Variants in CAMKMT observed in about 807,000 individuals in gnomAD.
CAMKMT encodes CaM KMT.
In CAMKMT, 53 loss-of-function variants were observed where a neutral mutation model predicts 48.0. The ratio of observed to expected loss-of-function variants is 1.10; its 90% CI spans 0.89 to 1.39. CAMKMT has a LOEUF of 1.39. Ranked by LOEUF, CAMKMT falls within the 40% of genes most tolerant of loss-of-function variation. The pLI is 0.00. For synonymous variants in CAMKMT, 165 were observed against 152.3 expected, an observed-to-expected ratio of 1.08 and a Z score of -0.61; for missense variants, 428 against 402.7, an observed-to-expected ratio of 1.06 and a Z score of -0.54.
chr2:44,656,263 G>A (rs1468262801), intron 3 of CAMKMT, among the ~76,000 whole-genome samples: 1 of 152,206 alleles, frequency 6.6e-6, no homozygotes, highest in Non-Finnish European at 1.5e-5. Flanking sequence ...TGTGATGGAA[G>A]AGGTGAATGT....
At chr2:44,474,303 C>T (rs1270435717) in intron 3 of CAMKMT, among the ~76,000 whole-genome samples, 2 of 151,792 alleles carry the variant, frequency 1.3e-5, no homozygotes, top group South Asian at 2.1e-4. Context: ...AAAAATTAGC[C>T]GGGTGTGGTG....
intron 1 of CAMKMT, 59 bp downstream of exon 1, chr2:44,362,204 G>A (rs1028626872): frequency 3.0e-6 from 4 of 1,353,354 alleles, no homozygotes; most frequent in Middle Eastern, 3.6e-4. Flanking sequence ...TCACGTACCG[G>A]GGGAGCGACT....
intron 3 of CAMKMT, among the ~76,000 whole-genome samples, chr2:44,672,394 A>G (rs988457821): frequency 2.0e-5 from 3 of 152,322 alleles, no homozygotes; most frequent in Admixed American, 2.0e-4. Context: ...CGTGGCTAAA[A>G]TAGTAAATAA....
intron 3 of CAMKMT, among the ~76,000 whole-genome samples, chr2:44,670,730 G>C (rs1675279226): frequency 6.6e-6 from 1 of 152,122 alleles, no homozygotes; most frequent in South Asian, 2.1e-4. Context: ...CAGAGTTTCT[G>C]ATTCGGTAGG....
At chr2:44,456,665 GA>G in intron 3 of CAMKMT, 1 of 1,525,056 alleles carries the variant, frequency 6.6e-7, no homozygotes, top group Non-Finnish European at 8.8e-7. Context: ...GGACTTATAA[GA>G]AAAGATGTTT....
chr2:44,432,361 C>A (rs1256849069), intron 3 of CAMKMT, among the ~76,000 whole-genome samples: 1 of 152,136 alleles, frequency 6.6e-6, no homozygotes, highest in Non-Finnish European at 1.5e-5. Context: ...AACTCTCAAC[C>A]CCTGACCAGC....
intron 3 of CAMKMT, among the ~76,000 whole-genome samples, chr2:44,478,361 A>G (rs1005519816): frequency 1.3e-5 from 2 of 152,172 alleles, no homozygotes; most frequent in Non-Finnish European, 1.5e-5. Flanking sequence ...TAGCCTTTGC[A>G]ATATCATCAG....
intron 3 of CAMKMT, among the ~76,000 whole-genome samples, chr2:44,396,752 A>AAAAG (rs565515090): frequency 5.3e-5 from 8 of 151,696 alleles, no homozygotes; most frequent in African/African-American, 1.2e-4. Flanking sequence ...AAAAAAAAAA[A>AAAAG]AAAGAAAGAA....
intron 7 of CAMKMT, among the ~76,000 whole-genome samples, chr2:44,732,949 T>A (rs1573191723): frequency 6.6e-6 from 1 of 152,360 alleles, no homozygotes; most frequent in East Asian, 1.9e-4. Flanking sequence ...TTTACCAATT[T>A]GTTCTTTTAA....
In CAMKMT at chr2:44,492,129, G is replaced by A. The variant is rs199535700; in HGVS notation, c.376+101824G>A. ...GGGTTGAACATAAATCTCAGAGACT[G>A]TATGAGGATTAATGAAATTATGTCC... is the stretch of plus-strand genomic sequence containing the variant. On this transcript the variant is annotated intron_variant, in intron 3 of 10. Transcript: ENST00000378494. Among the ~76,000 whole-genome samples the A allele has an allele frequency of 6.6e-5, 10 of 152,146 alleles. No homozygotes were observed. In the East Asian group the frequency reaches 1.5e-3, roughly 24 times the overall value.
intron 3 of CAMKMT, among the ~76,000 whole-genome samples, chr2:44,396,427 G>A (rs1163185154): frequency 1.3e-5 from 2 of 152,044 alleles, no homozygotes; most frequent in Non-Finnish European, 2.9e-5. Context: ...AAACCTGTAA[G>A]ATAGAGAAAA....
chr2:44,639,942 A>G (rs1673357528), intron 3 of CAMKMT, among the ~76,000 whole-genome samples: 1 of 152,146 alleles, frequency 6.6e-6, no homozygotes, highest in Admixed American at 6.5e-5. Flanking sequence ...ATCTTGGTTG[A>G]CCCAGTGAAT....
chr2:44,448,814 C>T (rs116228881), intron 3 of CAMKMT, among the ~76,000 whole-genome samples: 176 of 152,124 alleles, frequency 1.2e-3, no homozygotes, highest in Non-Finnish European at 1.9e-3. Context: ...TATTTTTCAG[C>T]AATAAAAATG....
At chr2:44,763,441 ATTTAG>A (rs1680700333) in intron 9 of CAMKMT, among the ~76,000 whole-genome samples, 1 of 152,318 alleles carries the variant, frequency 6.6e-6, no homozygotes, top group Non-Finnish European at 1.5e-5. Context: ...CAACTTCTGG[ATTTAG>A]TTTATTGTCT....
intron 3 of CAMKMT, among the ~76,000 whole-genome samples, chr2:44,439,307 T>C (rs2104558063): frequency 6.6e-6 from 1 of 152,262 alleles, no homozygotes; most frequent in Admixed American, 6.5e-5. Context: ...ATTAATCCTC[T>C]CTCTCTCCTA....
chr2:44,498,533 G>A (rs1199139203), intron 3 of CAMKMT, among the ~76,000 whole-genome samples: 1 of 152,126 alleles, frequency 6.6e-6, no homozygotes, highest in Non-Finnish European at 1.5e-5. Flanking sequence ...CTTTTGTCAT[G>A]TTTCTTTGGC....
At chr2:44,694,457 C>T (rs1676825719) in intron 3 of CAMKMT, among the ~76,000 whole-genome samples, 1 of 151,980 alleles carries the variant, frequency 6.6e-6, no homozygotes, top group Admixed American at 6.6e-5. Flanking sequence ...ACCTGTAGTC[C>T]CACCTACTTG....
Position 44,377,089 on chromosome 2 carries a change from C to CT in CAMKMT, c.311+4203dup, listed in dbSNP as rs570480957. Among the ~76,000 whole-genome samples, 789 of 152,268 alleles carry CT rather than the reference C, an allele frequency of 5.2e-3. 4 individuals are homozygous for CT. The Middle Eastern group carries it at 0.058, about 11-fold the overall frequency. Reference sequence around the variant, plus strand: ...TGGCATGATCATAGCTCACTGAAGCCTTGACCTCCCAGGCTTAAGCAATCC... The same window carrying CT: ...TGGCATGATCATAGCTCACTGAAGCCTTTGACCTCCCAGGCTTAAGCAATCC... On this transcript the variant is annotated intron_variant, in intron 2 of 10. Coordinates refer to ENST00000378494, the MANE Select transcript of CAMKMT (RefSeq NM_024766.5).
chr2:44,635,600 T>G (rs985912635), intron 3 of CAMKMT, among the ~76,000 whole-genome samples: 6 of 152,160 alleles, frequency 3.9e-5, no homozygotes, highest in African/African-American at 1.4e-4. Flanking sequence ...TCAAGCCTCT[T>G]TTGCAGCAAA....
Sources: gnomAD v4.1 joint callset for allele counts (sites outside exome capture counted in the v4.1 genomes callset) on GRCh38, gnomAD v4.1.1 for gene constraint, MANE v1.5 for transcripts, NCBI Gene and HGNC (gene_info 2026-07-23, HGNC 2026-07-21) for gene names.